Variants in RBM47 observed in about 807,000 individuals in gnomAD.
RBM47 encodes the protein RNA binding motif protein 47, also known as RNA-binding protein 47.
RBM47 carries 21 observed loss-of-function variants against 47.1 expected under a neutral mutation model. The ratio of observed to expected loss-of-function variants is 0.45; its 90% CI spans 0.32 to 0.64. RBM47 has a LOEUF of 0.64. RBM47 is among the 30% of genes least tolerant of loss of function. The pLI, the probability that RBM47 is intolerant of heterozygous loss-of-function variation, is 0.05. For missense variants in RBM47, 708 were observed against 870.9 expected (o/e 0.81, Z 2.35); for synonymous variants, 375 against 361.7 (o/e 1.04, Z -0.42).
intron 2 of RBM47, among the ~76,000 whole-genome samples, chr4:40,510,587 G>A (rs1398467388): frequency 6.6e-6 from 1 of 152,136 alleles, no homozygotes; most frequent in Non-Finnish European, 1.5e-5. Context: ...CCTTGAAGAG[G>A]TGACATTCAA....
At chr4:40,463,586 C>G (rs1717495258) in intron 3 of RBM47, among the ~76,000 whole-genome samples, 1 of 151,980 alleles carries the variant, frequency 6.6e-6, no homozygotes, top group Non-Finnish European at 1.5e-5. Flanking sequence ...TGAATGTAGG[C>G]CTCACATATC....
chr4:40,465,815 ACAGT>A (rs1717930264), intron 3 of RBM47, among the ~76,000 whole-genome samples: 1 of 152,166 alleles, frequency 6.6e-6, no homozygotes, highest in Non-Finnish European at 1.5e-5. Flanking sequence ...AATTGGGATG[ACAGT>A]TATTTTTACC....
At chr4:40,433,935 A>T (rs954310151) in intron 5 of RBM47, among the ~76,000 whole-genome samples, 2 of 148,148 alleles carry the variant, frequency 1.3e-5, no homozygotes, top group African/African-American at 4.9e-5. Context: ...ATGTCAAGGT[A>T]CAGTAAGAAG....
At chr4:40,626,193 C>T (rs1472755275) in intron 1 of RBM47, among the ~76,000 whole-genome samples, 4 of 152,148 alleles carry the variant, frequency 2.6e-5, no homozygotes, top group Admixed American at 1.3e-4. Context: ...AAAGATGCTC[C>T]TGTTAAATAT....
At position 40,436,690 on chromosome 4, in the gene RBM47, C is replaced by T. The variant is rs201422652; in HGVS notation, c.1124-43G>A. 4.5e-3 allele frequency: 7,128 copies of T among 1,589,988 alleles called. 45 individuals carry two copies. Among genetic ancestry groups the T allele is most frequent in the South Asian group, 0.014 (1,309 of 90,518 alleles). ...AAAGATGATCAGCAACCAACAGTGACGGTGCTGGAGGCAGACCTCAGCCCT... is the reference window on the plus strand; with the variant it reads ...AAAGATGATCAGCAACCAACAGTGATGGTGCTGGAGGCAGACCTCAGCCCT... On this transcript the variant is annotated intron_variant, in intron 4 of 6. Coordinates refer to ENST00000295971, the MANE Select transcript of RBM47 (RefSeq NM_001098634.2).
At chr4:40,563,294 A>T (rs1730804016) in intron 1 of RBM47, among the ~76,000 whole-genome samples, 2 of 152,254 alleles carry the variant, frequency 1.3e-5, no homozygotes, top group Admixed American at 1.3e-4. Context: ...CTAGCTCCAC[A>T]GAAATCTGTT....
chr4:40,512,294 C>T, intron 2 of RBM47, among the ~76,000 whole-genome samples: 1 of 149,628 alleles, frequency 6.7e-6, no homozygotes, highest in Middle Eastern at 3.5e-3. Flanking sequence ...TGATGGTGGG[C>T]GCCCAGCTAC....
At position 40,628,929 on chromosome 4, in the gene RBM47, A is replaced by C. The variant is rs1212692745; in HGVS notation, c.-240+467T>G. On this transcript the variant is annotated intron_variant, in intron 1 of 6. Coordinates refer to ENST00000295971, the MANE Select transcript of RBM47 (RefSeq NM_001098634.2). This position sits in a 1 kb window ranked among gnomAD's most constrained non-coding sequence, Gnocchi z 4.0. ...CAGGCTGAATTTTTAATTTGAAACAACTACACCTCTACCGAGTGTTACTTT... is the reference window on the plus strand; with the variant it reads ...CAGGCTGAATTTTTAATTTGAAACACCTACACCTCTACCGAGTGTTACTTT... Among the ~76,000 whole-genome samples the C allele has an allele frequency of 2.0e-5, 3 of 152,170 alleles. No homozygotes were observed. Among genetic ancestry groups the C allele is most frequent in the Non-Finnish European group, 4.4e-5 (3 of 68,028 alleles).
intron 1 of RBM47, among the ~76,000 whole-genome samples, chr4:40,545,323 T>A (rs1327748039): frequency 6.9e-6 from 1 of 145,866 alleles, no homozygotes; most frequent in African/African-American, 2.5e-5. Flanking sequence ...AGTGCTGGGA[T>A]TACAGGCGTG....
rs773927674 is a variant in RBM47, at chr4:40,457,967, TAAATAAAACA to T, written c.-32+8600_-32+8609del. On this transcript the variant is annotated intron_variant, in intron 3 of 6. Coordinates refer to ENST00000295971, the MANE Select transcript of RBM47 (RefSeq NM_001098634.2). ...CACCTCTAATAAAGTCAAATAAAATTAAATAAAACAAAATAAAACAAAATGAAAGTGAACG... is the reference window on the plus strand; with the variant it reads ...CACCTCTAATAAAGTCAAATAAAATTAAATAAAACAAAATGAAAGTGAACG... Among the ~76,000 whole-genome samples the T allele has an allele frequency of 2.5e-4, 38 of 152,122 alleles. 1 individual carries two copies. The South Asian group carries it at 5.4e-3, about 22-fold the overall frequency.
At chr4:40,541,909 A>C (rs1051126318) in intron 2 of RBM47, among the ~76,000 whole-genome samples, 1 of 152,212 alleles carries the variant, frequency 6.6e-6, no homozygotes, top group African/African-American at 2.4e-5. Context: ...TGGTGGGAGA[A>C]TCGTACACAT....
chr4:40,526,005 G>A (rs1242690680), intron 2 of RBM47, among the ~76,000 whole-genome samples: 1 of 152,112 alleles, frequency 6.6e-6, no homozygotes, highest in South Asian at 2.1e-4. Flanking sequence ...TCAAAGGAGA[G>A]GCAACAAGAA....
chr4:40,458,963 A>G (rs1716697424), intron 3 of RBM47, among the ~76,000 whole-genome samples: 1 of 152,180 alleles, frequency 6.6e-6, no homozygotes, highest in African/African-American at 2.4e-5. Context: ...GGTATTTGTG[A>G]ATATTGTGGG....
chr4:40,544,736 G>A (rs954670205), intron 1 of RBM47, among the ~76,000 whole-genome samples: 5 of 152,036 alleles, frequency 3.3e-5, no homozygotes, highest in Admixed American at 6.6e-5. Flanking sequence ...AGACTATTCC[G>A]TTTCATATTA....
At chr4:40,444,669 GT>G (rs773605501) in intron 3 of RBM47, among the ~76,000 whole-genome samples, 5,455 of 139,300 alleles carry the variant, frequency 0.039, 297 homozygotes, top group African/African-American at 0.13. Flanking sequence ...AATTCTAACT[GT>G]TTTTTTTTTT....
At chr4:40,576,005 T>C (rs888488173) in intron 1 of RBM47, among the ~76,000 whole-genome samples, 1 of 152,198 alleles carries the variant, frequency 6.6e-6, no homozygotes, top group Non-Finnish European at 1.5e-5. Flanking sequence ...TAATAGCTCA[T>C]CTGGTTCTGT....
In RBM47 at chr4:40,591,762, G is replaced by T. The variant is rs192754429; in HGVS notation, c.-240+37634C>A. 1.1e-4 allele frequency among the ~76,000 whole-genome samples: 16 copies of T among 152,212 alleles called. No homozygotes were observed. The East Asian group carries it at 2.9e-3, about 27-fold the overall frequency. On this transcript the variant is annotated intron_variant, in intron 1 of 6. Transcript: ENST00000295971. ...TTCACAGTTACCCTAATGAGTAATA[G>T]GTTCTACCTGAGACAAGGGCTCTCC...
chr4:40,502,899 G>A (rs1380719019), intron 2 of RBM47, among the ~76,000 whole-genome samples: 1 of 151,476 alleles, frequency 6.6e-6, no homozygotes, highest in Non-Finnish European at 1.5e-5. Context: ...CAGCACTTTG[G>A]GAGGCCAAGG....
chr4:40,486,161 TG>T (rs1405709618), intron 2 of RBM47, among the ~76,000 whole-genome samples: 1 of 151,494 alleles, frequency 6.6e-6, no homozygotes, highest in African/African-American at 2.4e-5. Context: ...ATTATTTATC[TG>T]AATTTCAAAT....
Sources: allele counts gnomAD v4.1 joint callset (sites outside exome capture counted in the v4.1 genomes callset), GRCh38; gene constraint gnomAD v4.1.1; non-coding constraint Gnocchi (gnomAD v3.1); transcripts MANE v1.5; gene names NCBI Gene and HGNC (gene_info 2026-07-23, HGNC 2026-07-21).